The following DNAH11 variants were observed in gnomAD, a reference collection of about 807,000 sequenced individuals.
DNAH11 encodes axonemal beta dynein heavy chain 11.
In DNAH11, 442 loss-of-function variants were observed where a neutral mutation model predicts 526.0. The ratio of observed to expected loss-of-function variants is 0.84; its 90% CI spans 0.78 to 0.91. The LOEUF is 0.91. DNAH11 is among the 40% of genes least tolerant of loss of function. The pLI, the probability that DNAH11 is intolerant of heterozygous loss-of-function variation, is 0.00. For missense variants in DNAH11, 6,989 were observed against 5,448.7 expected (o/e 1.28, Z -8.90); for synonymous variants, 2,461 against 1,935.9 (o/e 1.27, Z -7.12).
intron 81 of DNAH11, 190 bp from the exon 82 acceptor site, chr7:21,900,817 G>A (rs548561240): frequency 1.1e-5 from 9 of 807,506 alleles, no homozygotes; most frequent in Non-Finnish European, 1.6e-5. Context: ...AAGCAAAGCG[G>A]TGCCTCCGCT....
At chr7:21,832,316 C>T (rs575653294) in intron 65 of DNAH11, among the ~76,000 whole-genome samples, 30 of 152,222 alleles carry the variant, frequency 2.0e-4, no homozygotes, top group African/African-American at 6.3e-4. Flanking sequence ...TGGCTGGCAC[C>T]GGTTGTTCCT....
chr7:21,800,114 A>T (rs572512938), intron 61 of DNAH11, among the ~76,000 whole-genome samples: 1 of 152,288 alleles, frequency 6.6e-6, no homozygotes, highest in Non-Finnish European at 1.5e-5. Context: ...GCTGCCATGA[A>T]CTTCTCTTGG....
At chr7:21,612,554 C>CAAAAAAAAAAAAAAAAAAAAAAAA (rs34356379) in intron 20 of DNAH11, among the ~76,000 whole-genome samples, 5 of 81,234 alleles carry the variant, frequency 6.2e-5, no homozygotes, top group African/African-American at 2.1e-4. Context: ...GGCTCCGTCT[C>CAAAAAAAAAAAAAAAAAAAAAAAA]AAAAAAAAAA....
chr7:21,724,634 T>C (rs1415034535), intron 44 of DNAH11, among the ~76,000 whole-genome samples: 8 of 150,534 alleles, frequency 5.3e-5, no homozygotes, highest in Non-Finnish European at 1.0e-4. Context: ...GGTCATCGTA[T>C]GAATATAGGA....
chr7:21,599,891 G>A lies in DNAH11; in HGVS notation c.2772G>A (p.Met924Ile), dbSNP rs766050153. 154 of 1,612,646 alleles carry A rather than the reference G, an allele frequency of 9.5e-5. No individual in the cohort carries two copies. In the Middle Eastern group the frequency reaches 1.2e-3, roughly 12 times the overall value. ...IVVEGFFQAI[M>I]HDLDFFLKNT... ...TGGAAGGCTTTTTTCAGGCTATAAT[G>A]CACGACTTAGACTTCTTTCTGAAGA... The change falls in exon 15 of 82, where the codon ATG (methionine) becomes ATA (isoleucine). Residue 924 changes from methionine (M) to isoleucine (I), a missense_variant. Met to Ile is a conservative substitution (Grantham distance 10). Transcript: ENST00000409508.
chr7:21,574,753 A>G (rs1784020740), intron 8 of DNAH11, among the ~76,000 whole-genome samples: 1 of 144,778 alleles, frequency 6.9e-6, no homozygotes, highest in African/African-American at 2.5e-5. Flanking sequence ...TTTAGTAGAG[A>G]TGGGGTTTCG....
intron 20 of DNAH11, 97 bp downstream of exon 20, chr7:21,606,830 G>C (rs1785308351): frequency 9.4e-7 from 1 of 1,068,638 alleles, no homozygotes; most frequent in Non-Finnish European, 1.4e-6. Flanking sequence ...TCTTTGTTTT[G>C]CTGTTATAGG....
chr7:21,710,564 CTTATT>C lies in DNAH11; in HGVS notation c.6700_6704del (p.Phe2234ArgfsTer14). 6.2e-7 allele frequency: 1 copy of C among 1,608,856 alleles called. No individual in the cohort carries two copies. The highest frequency in any genetic ancestry group is 8.5e-7 in the Non-Finnish European group (1 of 1,176,582). ...ACATTATATATTAGGATTGTTTACT[CTTATT>C]TTATAGGTCTCTTCTCATCCATTCT... On this transcript the variant is annotated frameshift_variant, in exon 41 of 82. Transcript: ENST00000409508. LOFTEE classifies it high-confidence loss of function.
At chr7:21,543,630 C>G (rs1174264932) in intron 1 of DNAH11, 34 bp downstream of exon 1, 2 of 1,553,704 alleles carry the variant, frequency 1.3e-6, no homozygotes, top group South Asian at 1.2e-5. Flanking sequence ...CCTGCCCATC[C>G]AACAAAACTA....
At chr7:21,673,455 A>G (rs73682671) in intron 30 of DNAH11, among the ~76,000 whole-genome samples, 1,619 of 152,274 alleles carry the variant, frequency 0.011, 28 homozygotes, top group African/African-American at 0.037. Context: ...CGACATCATC[A>G]AAGAGGAACT....
chr7:21,867,525 A>C (rs1007023411), intron 71 of DNAH11, among the ~76,000 whole-genome samples: 3 of 152,208 alleles, frequency 2.0e-5, no homozygotes, highest in African/African-American at 4.8e-5. Flanking sequence ...TGGCAAATCT[A>C]ATGAACTGTT....
In DNAH11 at chr7:21,635,871, G is replaced by A. The variant is rs764620620; in HGVS notation, c.4501G>A (p.Val1501Ile). The A allele has an allele frequency of 9.4e-6, 15 of 1,603,604 alleles. No homozygotes were observed. In the South Asian group the frequency reaches 1.3e-4, roughly 14 times the overall value. ...TTAAAATTCTTTGCCTTTATTTTAG[G>A]TTCAGTTGCAGACTCTTCTTCAAAG... Reference protein sequence around the residue: ...QLFETLEHNQVQLQTLLQSKY... With the variant: ...QLFETLEHNQIQLQTLLQSKY... Residue 1501 changes from valine (V) to isoleucine (I), a missense_variant and splice_region_variant, in exon 26 of 82, where the codon GTT becomes ATT. Physicochemically the swap from Val to Ile is conservative, Grantham distance 29. Coordinates refer to ENST00000409508, the MANE Select transcript of DNAH11 (RefSeq NM_001277115.2).
chr7:21,876,664 T>G (rs753539825), intron 74 of DNAH11, among the ~76,000 whole-genome samples: 12 of 152,250 alleles, frequency 7.9e-5, no homozygotes, highest in Non-Finnish European at 1.8e-4. Flanking sequence ...TCACCATTTC[T>G]AGAATGGGCT....
intron 70 of DNAH11, among the ~76,000 whole-genome samples, chr7:21,865,025 T>C (rs1026975624): frequency 1.3e-5 from 2 of 152,234 alleles, no homozygotes; most frequent in Non-Finnish European, 2.9e-5. Flanking sequence ...CGTTTCACCA[T>C]TTTTCTAAAT....
At chr7:21,789,808 T>TCTTTCTTTCTTTCTTTCTTCTTTC in intron 61 of DNAH11, among the ~76,000 whole-genome samples, 7 of 34,084 alleles carry the variant, frequency 2.1e-4, no homozygotes, top group African/African-American at 5.5e-4. Context: ...TTTCTTTCTT[T>TCTTTCTTTCTTTCTTTCTTCTTTC]TTTCTTTCTT....
In DNAH11 at chr7:21,561,245, G is replaced by C. The variant is rs1583482217; in HGVS notation, c.982+75G>C. 8 of 1,058,384 alleles carry C rather than the reference G, an allele frequency of 7.6e-6. No individual in the cohort carries two copies. In the East Asian group the frequency reaches 2.1e-4, roughly 27 times the overall value. 65.6% of individuals were successfully genotyped at this position (1,058,384 alleles called of 1,614,324 possible). The stretch of plus-strand genomic sequence containing the variant: ...ATCCAGCCCCTGCCTGCTCGGCCTT[G>C]ATATTTACCCTTCCGCCATGTTTGT... On this transcript the variant is annotated intron_variant, in intron 5 of 81. Transcript: ENST00000409508.
At chr7:21,645,791 A>AAAAATC (rs1787331113) in intron 28 of DNAH11, among the ~76,000 whole-genome samples, 1 of 152,108 alleles carries the variant, frequency 6.6e-6, no homozygotes, top group African/African-American at 2.4e-5. Context: ...TACCATATCT[A>AAAAATC]AGAATCAATT....
chr7:21,668,395 C>G (rs763350852), intron 30 of DNAH11, among the ~76,000 whole-genome samples: 4 of 152,178 alleles, frequency 2.6e-5, no homozygotes, highest in African/African-American at 9.7e-5. Context: ...GATTTGCACT[C>G]CCTAAATCCA....
chr7:21,887,735 G>A (rs2128045358), intron 76 of DNAH11, among the ~76,000 whole-genome samples: 1 of 152,120 alleles, frequency 6.6e-6, no homozygotes, highest in Middle Eastern at 3.4e-3. Flanking sequence ...GATAACAATG[G>A]GAATCCTTTA....
Sources: allele counts gnomAD v4.1 joint callset (sites outside exome capture counted in the v4.1 genomes callset), GRCh38; gene constraint gnomAD v4.1.1; transcripts MANE v1.5; gene names NCBI Gene and HGNC (gene_info 2026-07-23, HGNC 2026-07-21).